Variants in ADAMTSL1 observed in about 807,000 individuals in gnomAD.
ADAMTSL1 encodes ADAMTS like 1.
In ADAMTSL1, 126 loss-of-function variants were observed where a neutral mutation model predicts 201.8. The observed-to-expected ratio is 0.62, with a 90% confidence interval of 0.54 to 0.72. The LOEUF (loss-of-function observed/expected upper bound fraction) is 0.72, where lower values mean the gene tolerates loss of function less well. Ranked by LOEUF, ADAMTSL1 falls within the 30% of genes least tolerant of loss-of-function variation. The probability of loss-of-function intolerance (pLI) is 0.00; values close to 1 mark genes in which losing one functional copy is unlikely to be tolerated. For synonymous variants in ADAMTSL1, 1,121 were observed against 903.4 expected (o/e 1.24, Z -4.32); for missense variants, 2,679 against 2,277.8 (o/e 1.18, Z -3.59).
intron 4 of ADAMTSL1, among the ~76,000 whole-genome samples, chr9:18,613,344 C>A (rs1825499338): frequency 6.6e-6 from 1 of 152,156 alleles, no homozygotes; most frequent in Non-Finnish European, 1.5e-5. Context: ...CTATTTGGCC[C>A]AGTAATCCCA....
At chr9:18,871,222 T>C (rs1333584429) in intron 23 of ADAMTSL1, among the ~76,000 whole-genome samples, 5 of 152,158 alleles carry the variant, frequency 3.3e-5, no homozygotes, top group Non-Finnish European at 1.5e-5. Context: ...ATTAGAAAAA[T>C]ATGTTTGGTC....
At chr9:17,960,738 T>A (rs907089216) in intron 1 of ADAMTSL1, among the ~76,000 whole-genome samples, 11 of 152,226 alleles carry the variant, frequency 7.2e-5, no homozygotes, top group African/African-American at 2.2e-4. Context: ...TCGGTCTTTT[T>A]AACATTTCAT....
chr9:18,828,995 G>T (rs1824803573), intron 22 of ADAMTSL1, among the ~76,000 whole-genome samples: 1 of 151,902 alleles, frequency 6.6e-6, no homozygotes, highest in Non-Finnish European at 1.5e-5. Flanking sequence ...GAAAAAGGTG[G>T]GAGCTGGCCT....
At chr9:18,326,486 T>C (rs74444751) in intron 2 of ADAMTSL1, among the ~76,000 whole-genome samples, 1 of 151,952 alleles carries the variant, frequency 6.6e-6, no homozygotes, top group African/African-American at 2.4e-5. Flanking sequence ...CTGGTTGCTA[T>C]ACATTTTTTA....
At chr9:18,763,135 G>A (rs1054465848) in intron 16 of ADAMTSL1, among the ~76,000 whole-genome samples, 4 of 152,166 alleles carry the variant, frequency 2.6e-5, no homozygotes, top group Admixed American at 6.5e-5. Flanking sequence ...CAGTGTATAA[G>A]GGTTCCCTTT....
intron 14 of ADAMTSL1, among the ~76,000 whole-genome samples, chr9:18,710,993 A>C (rs935048081): frequency 6.6e-6 from 1 of 152,148 alleles, no homozygotes; most frequent in Non-Finnish European, 1.5e-5. Flanking sequence ...ACAATCACTA[A>C]CAGGCAAAAA....
intron 2 of ADAMTSL1, among the ~76,000 whole-genome samples, chr9:18,389,469 G>A (rs1837953741): frequency 6.6e-6 from 1 of 152,076 alleles, no homozygotes; most frequent in Non-Finnish European, 1.5e-5. Context: ...TATCCAATCA[G>A]AATGGCTATC....
intron 1 of ADAMTSL1, among the ~76,000 whole-genome samples, chr9:18,106,791 T>G (rs574879558): frequency 6.6e-6 from 1 of 152,324 alleles, no homozygotes; most frequent in South Asian, 2.1e-4. Context: ...ACATTTGAGT[T>G]GCATCTTTTA....
chr9:18,219,197 T>C (rs1343530755), intron 2 of ADAMTSL1, among the ~76,000 whole-genome samples: 1 of 151,912 alleles, frequency 6.6e-6, no homozygotes, highest in African/African-American at 2.4e-5. Context: ...CTCTTCAATT[T>C]GGATTAGAGT....
chr9:18,462,220 G>C (rs1449288106), intron 2 of ADAMTSL1, among the ~76,000 whole-genome samples: 3 of 152,148 alleles, frequency 2.0e-5, no homozygotes, highest in African/African-American at 7.2e-5. Flanking sequence ...TGTTAAAATA[G>C]TGAAATGTCC....
At chr9:18,606,746 T>A (rs1302755820) in intron 4 of ADAMTSL1, among the ~76,000 whole-genome samples, 2 of 152,180 alleles carry the variant, frequency 1.3e-5, no homozygotes, top group African/African-American at 2.4e-5. Context: ...CCGTACTTCA[T>A]AAACACCACA....
chr9:18,366,048 G>A (rs1046447007), intron 2 of ADAMTSL1, among the ~76,000 whole-genome samples: 2 of 152,132 alleles, frequency 1.3e-5, no homozygotes, highest in African/African-American at 4.8e-5. Context: ...CAAAAAGGTT[G>A]GGGACCACTG....
intron 2 of ADAMTSL1, among the ~76,000 whole-genome samples, chr9:18,178,271 C>G (rs966702423): frequency 2.6e-5 from 4 of 152,134 alleles, no homozygotes; most frequent in Non-Finnish European, 5.9e-5. Flanking sequence ...TGACAGACGG[C>G]ACCTGGAAAA....
intron 26 of ADAMTSL1, among the ~76,000 whole-genome samples, chr9:18,899,975 A>G (rs1444294669): frequency 6.6e-6 from 1 of 152,236 alleles, no homozygotes; most frequent in Admixed American, 6.5e-5. Flanking sequence ...CTGCTCATCA[A>G]AAGAAACTAT....
intron 2 of ADAMTSL1, among the ~76,000 whole-genome samples, chr9:18,312,395 G>T (rs1426077936): frequency 2.0e-5 from 3 of 152,198 alleles, no homozygotes; most frequent in African/African-American, 2.4e-5. Context: ...CCACATCGTT[G>T]TATCTAAGAG....
In ADAMTSL1 at chr9:18,821,183, G is replaced by A. The variant is rs138185699; in HGVS notation, c.3934+3946G>A. ...AGAGTCAGTGATGGGTGGTGTATTAGGATAGATTAGACTCTGGTATCAAGT... is the reference window on the plus strand; with the variant it reads ...AGAGTCAGTGATGGGTGGTGTATTAAGATAGATTAGACTCTGGTATCAAGT... On this transcript the variant is annotated intron_variant, in intron 21 of 28. Coordinates refer to ENST00000380548, the MANE Select transcript of ADAMTSL1 (RefSeq NM_001040272.6). Among the ~76,000 whole-genome samples the A allele has an allele frequency of 3.2e-3, 490 of 152,280 alleles. 5 individuals are homozygous for A. The highest frequency in any genetic ancestry group is 0.012 in the African/African-American group (478 of 41,558).
chr9:18,427,992 G>A (rs1010673771), intron 2 of ADAMTSL1, among the ~76,000 whole-genome samples: 7 of 152,160 alleles, frequency 4.6e-5, no homozygotes, highest in South Asian at 2.1e-4. Context: ...CTGCAGTGCC[G>A]GAGCTGTCAG....
At chr9:17,929,575 A>G in intron 1 of ADAMTSL1, among the ~76,000 whole-genome samples, 1 of 151,474 alleles carries the variant, frequency 6.6e-6, no homozygotes, top group Admixed American at 6.6e-5. Context: ...GCTCCCTTCT[A>G]CCCAGGTGTC....
chr9:18,433,120 T>C (rs2133414214), intron 2 of ADAMTSL1, among the ~76,000 whole-genome samples: 1 of 152,226 alleles, frequency 6.6e-6, no homozygotes, highest in African/African-American at 2.4e-5. Flanking sequence ...ATAAATCCTG[T>C]AAAATGTGAA....
Sources: allele counts gnomAD v4.1 joint callset (sites outside exome capture counted in the v4.1 genomes callset), GRCh38; gene constraint gnomAD v4.1.1; transcripts MANE v1.5; gene names NCBI Gene and HGNC (gene_info 2026-07-23, HGNC 2026-07-21).